The following STK32A variants were observed in gnomAD, a reference collection of about 807,000 sequenced individuals.
The protein encoded by STK32A is serine/threonine-protein kinase 32A.
A neutral mutation model predicts 53.2 loss-of-function variants in STK32A; 41 were observed. That is an observed-to-expected ratio of 0.77 (90% confidence interval 0.60 to 1.00). The LOEUF (loss-of-function observed/expected upper bound fraction) is 1.00, where lower values mean the gene tolerates loss of function less well. Ranked by LOEUF, STK32A falls within the 50% of genes least tolerant of loss-of-function variation. The pLI is 0.00. For missense variants in STK32A, 458 were observed against 485.8 expected (o/e 0.94, Z 0.54); for synonymous variants, 166 against 162.8 (o/e 1.02, Z -0.15).
Position 147,290,448 on chromosome 5 carries a change from G to A in STK32A, c.260+11050G>A, listed in dbSNP as rs186159828. Among the ~76,000 whole-genome samples the A allele has an allele frequency of 5.3e-5, 8 of 152,224 alleles. No homozygotes were observed. In the East Asian group the frequency reaches 1.5e-3, roughly 29 times the overall value. ...AAAAGTAAATAAAATCTTCTTGTGC[G>A]TCTGTCTCTGAGGGCTCTTCACAAA... is the stretch of plus-strand genomic sequence containing the variant. On this transcript the variant is annotated intron_variant, in intron 4 of 12. Transcript: ENST00000397936.
At position 147,315,458 on chromosome 5, in the gene STK32A, G is replaced by T. The variant is rs368961326; in HGVS notation, c.261-8440G>T. Among the ~76,000 whole-genome samples, 3 of 152,086 alleles carry T rather than the reference G, an allele frequency of 2.0e-5. No homozygotes were observed. In the South Asian group the frequency reaches 6.2e-4, roughly 31 times the overall value. The stretch of plus-strand genomic sequence containing the variant: ...TGAACCTTGAAATCTTATAATAAAT[G>T]AAATAATCCAGACACAAAAGGACCA... On this transcript the variant is annotated intron_variant, in intron 4 of 12. Coordinates refer to ENST00000397936, the MANE Select transcript of STK32A (RefSeq NM_001112724.2).
intron 2 of STK32A, among the ~76,000 whole-genome samples, chr5:147,258,063 T>C (rs1754312766): frequency 6.6e-6 from 1 of 151,894 alleles, no homozygotes; most frequent in Non-Finnish European, 1.5e-5. Context: ...TATTAGCAAG[T>C]TGTTAAACTT....
chr5:147,345,640 C>T (rs910688893), intron 6 of STK32A, among the ~76,000 whole-genome samples: 5 of 151,854 alleles, frequency 3.3e-5, no homozygotes, highest in Non-Finnish European at 5.9e-5. Context: ...CTACACTTTC[C>T]GTGTACATTC....
At chr5:147,288,247 T>G (rs1340579270) in intron 4 of STK32A, among the ~76,000 whole-genome samples, 3 of 152,188 alleles carry the variant, frequency 2.0e-5, no homozygotes, top group Non-Finnish European at 2.9e-5. Context: ...GGGGAATTCT[T>G]AAAGTACAAC....
chr5:147,313,662 A>T (rs1368534836), intron 4 of STK32A, among the ~76,000 whole-genome samples: 1 of 152,214 alleles, frequency 6.6e-6, no homozygotes, highest in East Asian at 1.9e-4. Context: ...GAGGGCTCAT[A>T]CTTTTCAGTT....
the STK32A span, among the ~76,000 whole-genome samples, chr5:147,395,923 A>G: frequency 6.6e-6 from 1 of 152,166 alleles, no homozygotes; most frequent in African/African-American, 2.4e-5. Context: ...GTGGTCAGTG[A>G]AGGCCCTTCT....
chr5:147,317,323 C>CT (rs3064294), intron 4 of STK32A, among the ~76,000 whole-genome samples: 1,289 of 81,274 alleles, frequency 0.016, 122 homozygotes, highest in South Asian at 0.023. Context: ...CTTTTTCTTT[C>CT]TTTTTTTTTT....
Position 147,386,232 on chromosome 5 carries a change from T to C in STK32A, c.*2249T>C, listed in dbSNP as rs1757638531. On this transcript the variant is annotated 3_prime_UTR_variant, in exon 13 of 13. Transcript: ENST00000397936. ...CACTATAAACTTGAAGCAATTGCCC[T>C]GACTCGATTTCAGAGAAGGGGATGT... 6.6e-6 allele frequency: 1 copy of C among 152,238 alleles called. No homozygotes were observed. The highest frequency in any genetic ancestry group is 6.5e-5 in the Admixed American group (1 of 15,286). 9.4% of individuals were successfully genotyped at this position (152,238 alleles called of 1,614,324 possible). A position where few individuals can be genotyped will look rare whatever the true frequency, so the allele number is the denominator to read the frequency against.
rs35848112 is a variant in STK32A at position 147,249,908 on chromosome 5, C to CAAAAAAAAA, written c.52+10238_52+10246dup. On this transcript the variant is annotated intron_variant, in intron 2 of 12. Coordinates refer to ENST00000397936, the MANE Select transcript of STK32A (RefSeq NM_001112724.2). ...TGGGCAACAGAGTAAGCCTCTGTCT[C>CAAAAAAAAA]AAAAAAAAAAAAAAAAAAAAAAAAG... 2.1e-3 allele frequency among the ~76,000 whole-genome samples: 122 copies of CAAAAAAAAA among 58,542 alleles called. 4 individuals are homozygous for CAAAAAAAAA. Among genetic ancestry groups the CAAAAAAAAA allele is most frequent in the East Asian group, 3.7e-3 (6 of 1,638 alleles). 38.4% of individuals were successfully genotyped at this position (58,542 alleles called of 152,430 possible). A position where few individuals can be genotyped will look rare whatever the true frequency, so the allele number is the denominator to read the frequency against.
At chr5:147,279,974 T>A (rs1475872424) in intron 4 of STK32A, among the ~76,000 whole-genome samples, 1 of 152,030 alleles carries the variant, frequency 6.6e-6, no homozygotes, top group Admixed American at 6.6e-5. Flanking sequence ...GAGACCCTCC[T>A]CTCCCAAACA....
chr5:147,329,341 G>T (rs1387074831), intron 5 of STK32A, among the ~76,000 whole-genome samples: 1 of 152,096 alleles, frequency 6.6e-6, no homozygotes, highest in Non-Finnish European at 1.5e-5. Flanking sequence ...CATTCTTCTA[G>T]AAATCAGTAC....
intron 1 of STK32A, among the ~76,000 whole-genome samples, chr5:147,238,632 A>G (rs1022466390): frequency 2.6e-5 from 4 of 152,162 alleles, no homozygotes; most frequent in Non-Finnish European, 5.9e-5. Flanking sequence ...ATTCAGTTAA[A>G]TGTATGCATA....
At chr5:147,264,909 A>G (rs1436788342) in intron 2 of STK32A, among the ~76,000 whole-genome samples, 1 of 151,960 alleles carries the variant, frequency 6.6e-6, no homozygotes, top group East Asian at 1.9e-4. Context: ...TTTTAGAACT[A>G]TTTGATTATT....
intron 8 of STK32A, among the ~76,000 whole-genome samples, chr5:147,367,787 T>C (rs145572814): frequency 1.6e-3 from 250 of 152,290 alleles, no homozygotes; most frequent in African/African-American, 5.8e-3. Context: ...ATGGCTTAGC[T>C]TGGGCTCAGA....
intron 6 of STK32A, among the ~76,000 whole-genome samples, chr5:147,345,229 A>G (rs1016455898): frequency 6.6e-6 from 1 of 152,190 alleles, no homozygotes; most frequent in Non-Finnish European, 1.5e-5. Flanking sequence ...ATACTTACTT[A>G]GAAAAAAAAT....
chr5:147,332,527 C>T (rs369087875), intron 5 of STK32A, among the ~76,000 whole-genome samples: 1 of 152,036 alleles, frequency 6.6e-6, no homozygotes, highest in Non-Finnish European at 1.5e-5. Context: ...TGCTGGCTTT[C>T]TTTCAGTGTA....
At chr5:147,318,084 C>CT (rs1297357287) in intron 4 of STK32A, among the ~76,000 whole-genome samples, 2 of 151,974 alleles carry the variant, frequency 1.3e-5, no homozygotes, top group African/African-American at 4.8e-5. Context: ...CATTTGTGTG[C>CT]TTTTTTTCCT....
At chr5:147,322,369 G>A (rs1176303250) in intron 4 of STK32A, among the ~76,000 whole-genome samples, 7 of 152,190 alleles carry the variant, frequency 4.6e-5, no homozygotes, top group Non-Finnish European at 8.8e-5. Context: ...ACTATCAGGT[G>A]CTATTAATGC....
chr5:147,235,430 T>G (rs954369929), intron 1 of STK32A, among the ~76,000 whole-genome samples: 12 of 152,224 alleles, frequency 7.9e-5, no homozygotes, highest in African/African-American at 2.9e-4. Context: ...AAATATTTGC[T>G]GGGTTGAGAC....
Sources: gnomAD v4.1 joint callset for allele counts (sites outside exome capture counted in the v4.1 genomes callset) on GRCh38, gnomAD v4.1.1 for gene constraint, MANE v1.5 for transcripts, NCBI Gene and HGNC (gene_info 2026-07-23, HGNC 2026-07-21) for gene names.